Variants in HACD3 observed in about 807,000 individuals in gnomAD.
The protein encoded by HACD3 is 3-hydroxyacyl-CoA dehydratase 3.
A neutral mutation model predicts 55.2 loss-of-function variants in HACD3; 30 were observed. The ratio of observed to expected loss-of-function variants is 0.54; its 90% CI spans 0.41 to 0.74. The LOEUF is 0.74. Ranked by LOEUF, HACD3 falls within the 30% of genes least tolerant of loss-of-function variation. The probability of loss-of-function intolerance (pLI) is 0.00; values close to 1 mark genes in which losing one functional copy is unlikely to be tolerated. For synonymous variants in HACD3, 141 were observed against 151.7 expected, an observed-to-expected ratio of 0.93 and a Z score of 0.52; for missense variants, 363 against 440.1, an observed-to-expected ratio of 0.82 and a Z score of 1.57.
intron 10 of HACD3, among the ~76,000 whole-genome samples, chr15:65,575,230 C>T (rs144541439): frequency 0.062 from 9,390 of 151,180 alleles, 303 homozygotes; most frequent in African/African-American, 0.09. Flanking sequence ...CTCTGTCACC[C>T]AGGCTGGAGT....
intron 7 of HACD3, chr15:65,564,637 G>A (rs2072274565): frequency 7.3e-6 from 2 of 272,376 alleles, no homozygotes; most frequent in South Asian, 1.1e-4. Flanking sequence ...TCACTATCCT[G>A]AGAATAGCAT....
In HACD3 at chr15:65,530,561, G is replaced by A. The variant is rs907729922; in HGVS notation, c.-71G>A. On this transcript the variant is annotated 5_prime_UTR_variant, in exon 1 of 11. Transcript: ENST00000261875. ...GGTTTGAGGCCTGCTTTCTGCTCGC[G>A]CCAGCAGAGCACTACCTGAGGCAGC... 2.1e-6 allele frequency: 3 copies of A among 1,398,748 alleles called. No individual in the cohort carries two copies. Among genetic ancestry groups the A allele is most frequent in the Middle Eastern group, 1.8e-4 (1 of 5,684 alleles). 86.6% of individuals were successfully genotyped at this position (1,398,748 alleles called of 1,614,324 possible).
Position 65,530,697 on chromosome 15 carries a change from C to T in HACD3, c.66C>T (p.Arg22=), listed in dbSNP as rs1473603677. 2 of 1,572,318 alleles carry T rather than the reference C, an allele frequency of 1.3e-6. No individual in the cohort carries two copies. Among genetic ancestry groups the T allele is most frequent in the African/African-American group, 1.4e-5 (1 of 73,554 alleles). ...AGCGACACCGCGAGCTATATCTGCGCGTGGAGCTGAGTGACGTACAGGTAA... is the reference window on the plus strand; with the variant it reads ...AGCGACACCGCGAGCTATATCTGCGTGTGGAGCTGAGTGACGTACAGGTAA... ...WAQRHRELYL[R]VELSDVQNPA... is the part of the protein sequence containing the mutation. The change falls in exon 1 of 11, where the codon CGC becomes CGT. Residue 22 remains arginine, a synonymous_variant. Coordinates refer to ENST00000261875, the MANE Select transcript of HACD3 (RefSeq NM_016395.4).
At chr15:65,576,223 G>C in intron 10 of HACD3, 80 bp from the exon 11 acceptor site, 5 of 1,524,230 alleles carry the variant, frequency 3.3e-6, no homozygotes, top group Non-Finnish European at 4.4e-6. Context: ...ACGACAGCTA[G>C]ATACTGTCCC....
intron 5 of HACD3, among the ~76,000 whole-genome samples, chr15:65,561,875 A>G (rs550221335): frequency 6.6e-6 from 1 of 152,360 alleles, no homozygotes; most frequent in African/African-American, 2.4e-5. Flanking sequence ...CGGTTCCCAC[A>G]ACCCGCTCCT....
chr15:65,568,362 G>A (rs570813564), intron 7 of HACD3, among the ~76,000 whole-genome samples: 5 of 151,608 alleles, frequency 3.3e-5, no homozygotes, highest in African/African-American at 9.7e-5. Flanking sequence ...TTTATGTTAT[G>A]TGTATTTTTT....
chr15:65,562,686 G>A (rs16948826), intron 5 of HACD3, 88 bp from the exon 6 acceptor site: 4 of 1,511,852 alleles, frequency 2.6e-6, no homozygotes, highest in Admixed American at 2.1e-5. Context: ...AAGGAAAAAG[G>A]GTTGAAGTCA....
intron 1 of HACD3, among the ~76,000 whole-genome samples, chr15:65,539,119 A>G (rs184063802): frequency 6.6e-6 from 1 of 152,274 alleles, no homozygotes; most frequent in African/African-American, 2.4e-5. Context: ...CCTGTAAATT[A>G]AAATGATAGG....
Position 65,570,083 on chromosome 15 carries a change from T to C in HACD3, c.661-8T>C. 1 of 1,570,772 alleles carries C rather than the reference T, an allele frequency of 6.4e-7. No homozygotes were observed. Reference sequence around the variant, plus strand: ...AACTTTTTTCTCTCTTTTGGGTCTTTCTAATAGCTTCTTGGAAGAAATTTT... The same window carrying C: ...AACTTTTTTCTCTCTTTTGGGTCTTCCTAATAGCTTCTTGGAAGAAATTTT... On this transcript the variant is annotated splice_polypyrimidine_tract_variant and splice_region_variant and intron_variant, in intron 7 of 10. Transcript: ENST00000261875.
At chr15:65,538,587 CAATG>C (rs1223396587) in intron 1 of HACD3, among the ~76,000 whole-genome samples, 2 of 152,202 alleles carry the variant, frequency 1.3e-5, no homozygotes, top group Non-Finnish European at 2.9e-5. Flanking sequence ...GTTGAAATGA[CAATG>C]AAGGGTTTAT....
chr15:65,554,282 TG>T (rs2072164778), intron 2 of HACD3, among the ~76,000 whole-genome samples: 1 of 152,172 alleles, frequency 6.6e-6, no homozygotes, highest in Non-Finnish European at 1.5e-5. Flanking sequence ...GTTATTTGTG[TG>T]GGGTATCATC....
chr15:65,546,574 A>C (rs916967536), intron 1 of HACD3, among the ~76,000 whole-genome samples: 3 of 152,086 alleles, frequency 2.0e-5, no homozygotes, highest in Non-Finnish European at 4.4e-5. Flanking sequence ...AAGGTATATG[A>C]GTTTTCATTA....
intron 1 of HACD3, among the ~76,000 whole-genome samples, chr15:65,543,580 A>G (rs750512536): frequency 6.6e-6 from 1 of 152,160 alleles, no homozygotes; most frequent in Non-Finnish European, 1.5e-5. Flanking sequence ...CTTCACTATG[A>G]CATCGTTTTT....
intron 10 of HACD3, among the ~76,000 whole-genome samples, chr15:65,573,689 A>G (rs1055376259): frequency 1.3e-5 from 2 of 152,208 alleles, no homozygotes; most frequent in Non-Finnish European, 2.9e-5. Flanking sequence ...TATTATCTAT[A>G]CTATACTCTA....
chr15:65,546,991 T>TAAGC (rs1019162817), intron 1 of HACD3, among the ~76,000 whole-genome samples: 1 of 152,226 alleles, frequency 6.6e-6, no homozygotes, highest in Non-Finnish European at 1.5e-5. Flanking sequence ...AATCCACGTA[T>TAAGC]AAGCCTCTTT....
intron 1 of HACD3, among the ~76,000 whole-genome samples, chr15:65,543,402 TA>T (rs751567566): frequency 6.6e-6 from 1 of 152,154 alleles, no homozygotes; most frequent in Admixed American, 6.5e-5. Flanking sequence ...TGCAAGTAAT[TA>T]GTAGGTTTAT....
chr15:65,572,469 C>A, intron 10 of HACD3, 103 bp downstream of exon 10: 1 of 1,301,840 alleles, frequency 7.7e-7, no homozygotes, highest in Non-Finnish European at 1.0e-6. Context: ...TCTTTTGGGA[C>A]AGAATTAGAG....
intron 10 of HACD3, among the ~76,000 whole-genome samples, chr15:65,572,698 C>T (rs1171251881): frequency 6.6e-6 from 1 of 151,952 alleles, no homozygotes; most frequent in African/African-American, 2.4e-5. Flanking sequence ...GGGCACATCA[C>T]AAGGTCAGGA....
At chr15:65,530,764 C>T in intron 1 of HACD3, 46 bp downstream of exon 1, 6 of 1,501,668 alleles carry the variant, frequency 4.0e-6, no homozygotes, top group South Asian at 2.5e-5. Context: ...ATCGCGGCTC[C>T]GGGTACCCGC....
Sources: allele counts gnomAD v4.1 joint callset (sites outside exome capture counted in the v4.1 genomes callset), GRCh38; gene constraint gnomAD v4.1.1; transcripts MANE v1.5; gene names NCBI Gene and HGNC (gene_info 2026-07-23, HGNC 2026-07-21).